Variants in PHKB observed in about 807,000 individuals in gnomAD.
PHKB encodes phosphorylase kinase regulatory subunit beta, also known as phosphorylase b kinase regulatory subunit beta.
In PHKB, 122 loss-of-function variants were observed where a neutral mutation model predicts 152.1. That is an observed-to-expected ratio of 0.80 (90% CI 0.69 to 0.93). The LOEUF is 0.93. Ranked by LOEUF, PHKB falls within the 40% of genes least tolerant of loss-of-function variation. The probability of loss-of-function intolerance (pLI) is 0.00; values close to 1 mark genes in which losing one functional copy is unlikely to be tolerated. For synonymous variants in PHKB, 436 were observed against 464.9 expected (o/e 0.94, Z 0.80); for missense variants, 1,304 against 1,328.4 (o/e 0.98, Z 0.29).
chr16:47,628,085 A>G (rs181956659), intron 14 of PHKB, among the ~76,000 whole-genome samples: 2 of 152,330 alleles, frequency 1.3e-5, no homozygotes, highest in Admixed American at 6.5e-5. Context: ...TGTTTCAAAT[A>G]CACTGCCCTT....
intron 15 of PHKB, 83 bp downstream of exon 15, chr16:47,641,173 T>A: frequency 9.4e-7 from 1 of 1,062,108 alleles, no homozygotes; most frequent in Non-Finnish European, 1.5e-6. Flanking sequence ...ACAATATTGA[T>A]TATGGTAGAA....
chr16:47,569,890 TG>T (rs1260883321), intron 7 of PHKB, among the ~76,000 whole-genome samples: 1 of 152,238 alleles, frequency 6.6e-6, no homozygotes, highest in South Asian at 2.1e-4. Context: ...CCCAAAGTGC[TG>T]GTATTACAGG....
At chr16:47,659,739 T>C (rs1248102660) in intron 20 of PHKB, among the ~76,000 whole-genome samples, 1 of 152,252 alleles carries the variant, frequency 6.6e-6, no homozygotes, top group Non-Finnish European at 1.5e-5. Context: ...GACTTGTCGG[T>C]ATCCTATCAT....
rs770651486 is a variant in PHKB, at chr16:47,587,755, A to G, written c.862A>G (p.Arg288Gly). ...GTGCTCGCTGTTACCCAGAGAATCA[A>G]GATCACATGTGAGACATTTAATAAT... ...TLCSLLPRESRSHNTDAALLP... is the reference protein window; with the variant it reads ...TLCSLLPRESGSHNTDAALLP... The change falls in exon 9 of 31, where the codon AGA becomes GGA. Residue 288 changes from arginine (R) to glycine (G), a missense_variant. Transcript: ENST00000323584. The G allele has an allele frequency of 4.4e-6, 7 of 1,604,896 alleles. No individual in the cohort carries two copies. In the Admixed American group the frequency reaches 1.0e-4, roughly 23 times the overall value.
intron 26 of PHKB, among the ~76,000 whole-genome samples, chr16:47,683,540 C>T (rs962945316): frequency 2.6e-5 from 4 of 152,198 alleles, no homozygotes; most frequent in Admixed American, 6.5e-5. Flanking sequence ...AGCGAGACTC[C>T]GTGGCCATAG....
chr16:47,616,515 A>T (rs1256992006), intron 14 of PHKB, among the ~76,000 whole-genome samples: 1 of 145,952 alleles, frequency 6.9e-6, no homozygotes, highest in Admixed American at 6.9e-5. Context: ...ATGTAAATAT[A>T]AATATATATT....
At chr16:47,619,947 G>A (rs953490342) in intron 14 of PHKB, among the ~76,000 whole-genome samples, 1 of 152,096 alleles carries the variant, frequency 6.6e-6, no homozygotes, top group African/African-American at 2.4e-5. Context: ...TATAGCAAAT[G>A]GACTTATTTT....
chr16:47,605,421 T>A (rs1472341757), intron 13 of PHKB, among the ~76,000 whole-genome samples: 1 of 152,226 alleles, frequency 6.6e-6, no homozygotes, highest in Non-Finnish European at 1.5e-5. Flanking sequence ...AGATTAGCAT[T>A]TATGCTTTAC....
chr16:47,645,243 TTTTG>T (rs1973094692), intron 16 of PHKB, among the ~76,000 whole-genome samples: 1 of 144,260 alleles, frequency 6.9e-6, no homozygotes, highest in Non-Finnish European at 1.5e-5. Flanking sequence ...CAATTTTGGC[TTTTG>T]TTGCCATTGC....
rs535985376 is a variant in PHKB at position 47,513,710 on chromosome 16, A to T, written c.514-1811A>T. The stretch of plus-strand genomic sequence containing the variant: ...ATAGCCACTGGAGCTGTCAGAGGGA[A>T]ATAATCTATGTTAGAATTCTATGGA... On this transcript the variant is annotated intron_variant, in intron 5 of 30. Transcript: ENST00000323584. Among the ~76,000 whole-genome samples the T allele has an allele frequency of 1.2e-3, 178 of 152,324 alleles. 1 individual carries two copies. The highest frequency in any genetic ancestry group is 2.1e-3 in the Non-Finnish European group (140 of 68,028).
intron 6 of PHKB, among the ~76,000 whole-genome samples, chr16:47,542,575 A>G (rs560510805): frequency 6.6e-5 from 10 of 152,234 alleles, no homozygotes; most frequent in South Asian, 6.2e-4. Flanking sequence ...CATTGAATCT[A>G]TGAATTACCT....
chr16:47,576,097 A>G (rs1171226039), intron 7 of PHKB, among the ~76,000 whole-genome samples: 1 of 151,972 alleles, frequency 6.6e-6, no homozygotes, highest in Non-Finnish European at 1.5e-5. Context: ...ACAAAACAAA[A>G]CAACAACAGC....
intron 1 of PHKB, among the ~76,000 whole-genome samples, chr16:47,472,571 A>G (rs945532787): frequency 1.5e-4 from 23 of 152,162 alleles, no homozygotes; most frequent in African/African-American, 5.5e-4. Flanking sequence ...TCACGAGATC[A>G]GGAGATCGAG....
intron 15 of PHKB, 49 bp from the exon 16 acceptor site, chr16:47,641,550 T>A (rs751678300): frequency 4.1e-5 from 38 of 933,178 alleles, no homozygotes; most frequent in Non-Finnish European, 1.2e-5. Context: ...CTTCCTAAAC[T>A]GTAAATGCAT....
chr16:47,534,407 A>G (rs1455453979), intron 6 of PHKB, among the ~76,000 whole-genome samples: 1 of 152,220 alleles, frequency 6.6e-6, no homozygotes, highest in African/African-American at 2.4e-5. Flanking sequence ...ATGTACCATG[A>G]TGTCAAAATG....
chr16:47,577,168 G>A (rs922551202), intron 7 of PHKB, among the ~76,000 whole-genome samples: 2 of 151,816 alleles, frequency 1.3e-5, no homozygotes, highest in African/African-American at 4.8e-5. Flanking sequence ...TATCAATAGT[G>A]GTTTTGATTG....
At chr16:47,571,529 T>C (rs1332445842) in intron 7 of PHKB, among the ~76,000 whole-genome samples, 1 of 152,134 alleles carries the variant, frequency 6.6e-6, no homozygotes, top group African/African-American at 2.4e-5. Flanking sequence ...CCTCTGTCCA[T>C]CTGCAGGAAC....
intron 13 of PHKB, among the ~76,000 whole-genome samples, chr16:47,603,910 G>A (rs973658889): frequency 6.6e-6 from 1 of 152,148 alleles, no homozygotes; most frequent in African/African-American, 2.4e-5. Flanking sequence ...TGTGGCATAG[G>A]TGAGGAAACT....
chr16:47,677,769 A>C (rs934727822), intron 26 of PHKB, among the ~76,000 whole-genome samples: 1 of 150,862 alleles, frequency 6.6e-6, no homozygotes, highest in Non-Finnish European at 1.5e-5. Flanking sequence ...AAAATCATCT[A>C]ATTTTTTTTT....
Sources: allele counts gnomAD v4.1 joint callset (sites outside exome capture counted in the v4.1 genomes callset), GRCh38; gene constraint gnomAD v4.1.1; transcripts MANE v1.5; gene names NCBI Gene and HGNC (gene_info 2026-07-23, HGNC 2026-07-21).